Variants in ABCB5 observed in about 807,000 individuals in gnomAD.
The protein encoded by ABCB5 is ATP-binding cassette sub-family B member 5.
Under a neutral mutation model 144.2 loss-of-function variants are expected in ABCB5, and 155 were observed. The ratio of observed to expected loss-of-function variants is 1.08; its 90% CI spans 0.94 to 1.23. The LOEUF (loss-of-function observed/expected upper bound fraction) is 1.23, where lower values mean the gene tolerates loss of function less well. Ranked by LOEUF, ABCB5 falls within the 50% of genes most tolerant of loss-of-function variation. The pLI, the probability that ABCB5 is intolerant of heterozygous loss-of-function variation, is 0.00. For missense variants in ABCB5, 1,830 were observed against 1,520.8 expected (o/e 1.20, Z -3.38); for synonymous variants, 610 against 528.6 (o/e 1.15, Z -2.11).
chr7:20,724,419 G>A (rs1781967106), intron 21 of ABCB5, among the ~76,000 whole-genome samples: 1 of 151,940 alleles, frequency 6.6e-6, no homozygotes, highest in African/African-American at 2.4e-5. Context: ...TTTGAGGTCA[G>A]GAGTTTGAAA....
Position 20,649,569 on chromosome 7 carries a change from G to A in ABCB5, c.1207-453G>A, listed in dbSNP as rs778720493. ...TTCTAATGATAAACTCTCATCTATC[G>A]GGAGCCACTAAGAAACTTTGCCAGC... is the stretch of plus-strand genomic sequence containing the variant. On this transcript the variant is annotated intron_variant, in intron 11 of 27. Coordinates refer to ENST00000404938, the MANE Select transcript of ABCB5 (RefSeq NM_001163941.2). Among the ~76,000 whole-genome samples, 12 of 152,220 alleles carry A rather than the reference G, an allele frequency of 7.9e-5. No individual in the cohort carries two copies. The South Asian group carries it at 1.0e-3, about 13-fold the overall frequency.
intron 20 of ABCB5, among the ~76,000 whole-genome samples, chr7:20,705,154 G>A (rs776398177): frequency 2.0e-5 from 3 of 152,118 alleles, no homozygotes; most frequent in Non-Finnish European, 2.9e-5. Flanking sequence ...TTTAATATAA[G>A]AAAAAGGTTT....
chr7:20,626,758 G>A, intron 3 of ABCB5, 147 bp downstream of exon 3: 16 of 697,248 alleles, frequency 2.3e-5, no homozygotes, highest in South Asian at 9.6e-5. Context: ...ATTTTCGATA[G>A]AAAAAATATA....
At chr7:20,634,374 T>A (rs1038437647) in intron 5 of ABCB5, among the ~76,000 whole-genome samples, 3 of 152,178 alleles carry the variant, frequency 2.0e-5, no homozygotes, top group Middle Eastern at 3.4e-3. Flanking sequence ...TGCAGGTATC[T>A]TTCTGGCACA....
intron 26 of ABCB5, among the ~76,000 whole-genome samples, chr7:20,749,794 A>C (rs1368751798): frequency 6.6e-6 from 1 of 152,200 alleles, no homozygotes; most frequent in African/African-American, 2.4e-5. Flanking sequence ...GAGAATTAAG[A>C]GGTGATCTGA....
At chr7:20,751,468 A>T (rs907010094) in intron 26 of ABCB5, among the ~76,000 whole-genome samples, 4 of 151,974 alleles carry the variant, frequency 2.6e-5, no homozygotes, top group African/African-American at 4.8e-5. Context: ...GAGACTCCGT[A>T]AAAAAATAAA....
intron 1 of ABCB5, among the ~76,000 whole-genome samples, chr7:20,621,295 C>A (rs1783800446): frequency 6.6e-6 from 1 of 152,010 alleles, no homozygotes; most frequent in Non-Finnish European, 1.5e-5. Context: ...TGAAAAAGTT[C>A]TGAAGATAGA....
At position 20,756,260 on chromosome 7, in the gene ABCB5, C is replaced by T. The variant is rs1249905047; in HGVS notation, c.*636C>T. ...AGTAAGTGAAGTGCCTCACATGAGC[C>T]ATCCCAAAGATTCATTATTCCAAAC... On this transcript the variant is annotated 3_prime_UTR_variant, in exon 28 of 28. Coordinates refer to ENST00000404938, the MANE Select transcript of ABCB5 (RefSeq NM_001163941.2). 1.3e-5 allele frequency: 2 copies of T among 152,400 alleles called. No individual in the cohort carries two copies. The highest frequency in any genetic ancestry group is 1.3e-4 in the Admixed American group (2 of 15,286). The allele number at this position is 152,400 out of a possible 1,614,324, so 9.4% of individuals were successfully genotyped here. A position where few individuals can be genotyped will look rare whatever the true frequency, so the allele number is the denominator to read the frequency against.
Position 20,755,616 on chromosome 7 carries a change from G to C in ABCB5, c.3766G>C (p.Val1256Leu), listed in dbSNP as rs750707644. Residue 1256 changes from valine (V) to leucine (L), a missense_variant, in exon 28 of 28, where the codon GTG (valine) becomes CTG (leucine). Coordinates refer to ENST00000404938, the MANE Select transcript of ABCB5 (RefSeq NM_001163941.2). ...IYFKLVNAQS[V>L]Q is the part of the protein sequence containing the mutation. ...TTTTAAGTTAGTGAATGCACAGTCA[G>C]TGCAGTGATGCTGTTGAGGTAGCAC... 4.3e-6 allele frequency: 7 copies of C among 1,613,896 alleles called. No individual in the cohort carries two copies. The South Asian group carries it at 7.7e-5, about 18-fold the overall frequency.
At chr7:20,692,074 A>G (rs568649433) in intron 16 of ABCB5, among the ~76,000 whole-genome samples, 1 of 152,322 alleles carries the variant, frequency 6.6e-6, no homozygotes, top group Admixed American at 6.5e-5. Context: ...AAATCATTGA[A>G]GAAATAATGC....
chr7:20,719,584 G>A (rs1032524318), intron 20 of ABCB5, among the ~76,000 whole-genome samples: 2 of 152,204 alleles, frequency 1.3e-5, no homozygotes, highest in Non-Finnish European at 2.9e-5. Flanking sequence ...CGTCAGTGTG[G>A]GAAAGGGGTA....
chr7:20,632,826 A>G (rs994393775), intron 5 of ABCB5, among the ~76,000 whole-genome samples: 34 of 140,318 alleles, frequency 2.4e-4, no homozygotes, highest in Non-Finnish European at 4.6e-4. Context: ...ACACATGGAC[A>G]CAGGAAGGGG....
intron 20 of ABCB5, among the ~76,000 whole-genome samples, chr7:20,720,893 G>A (rs1022174808): frequency 4.5e-5 from 6 of 134,414 alleles, no homozygotes; most frequent in African/African-American, 1.7e-4. Context: ...GCAGTGAGTC[G>A]AGATCGCGCC....
chr7:20,659,003 C>T (rs1214664850), intron 14 of ABCB5: 1 of 1,564,696 alleles, frequency 6.4e-7, no homozygotes, highest in African/African-American at 1.4e-5. Context: ...TAACCATGCC[C>T]ACCCTTTGCT....
intron 20 of ABCB5, among the ~76,000 whole-genome samples, chr7:20,707,184 A>C (rs1214272745): frequency 6.6e-6 from 1 of 152,214 alleles, no homozygotes; most frequent in African/African-American, 2.4e-5. Context: ...TATTCTATCA[A>C]ATATATTAGA....
At chr7:20,653,902 A>G (rs990756567) in intron 13 of ABCB5, among the ~76,000 whole-genome samples, 1 of 152,212 alleles carries the variant, frequency 6.6e-6, no homozygotes, top group Non-Finnish European at 1.5e-5. Context: ...GAGAGATCAC[A>G]TTAACACCTT....
intron 5 of ABCB5, chr7:20,641,886 T>G (rs1784303678): frequency 6.6e-6 from 1 of 152,550 alleles, no homozygotes; most frequent in Admixed American, 6.5e-5. Flanking sequence ...CCCCGTCATG[T>G]GTCTAGCAGA....
At chr7:20,626,856 T>TGG (rs367563588) in intron 3 of ABCB5, among the ~76,000 whole-genome samples, 6,155 of 79,994 alleles carry the variant, frequency 0.077, 616 homozygotes, top group East Asian at 0.48. Flanking sequence ...GTTTTTGGGG[T>TGG]GTGTGTGTGT....
chr7:20,686,006 GGCT>G (rs1258482090), intron 16 of ABCB5, among the ~76,000 whole-genome samples, 170 bp downstream of exon 16: 3 of 152,052 alleles, frequency 2.0e-5, no homozygotes, highest in Non-Finnish European at 2.9e-5. Context: ...CTCTAGGTAA[GGCT>G]GCCTAATAAG....
Sources: gnomAD v4.1 joint callset for allele counts (sites outside exome capture counted in the v4.1 genomes callset) on GRCh38, gnomAD v4.1.1 for gene constraint, MANE v1.5 for transcripts, NCBI Gene and HGNC (gene_info 2026-07-23, HGNC 2026-07-21) for gene names.